P4HA1: variants seen among roughly 807,000 people sequenced by gnomAD.
P4HA1 encodes the protein prolyl 4-hydroxylase subunit alpha 1, also known as prolyl 4-hydroxylase subunit alpha-1.
Under a neutral mutation model 72.8 loss-of-function variants are expected in P4HA1, and 24 were observed. The observed-to-expected ratio is 0.33, with a 90% CI of 0.24 to 0.46. The LOEUF is 0.46. Ranked by LOEUF, P4HA1 falls within the 20% of genes least tolerant of loss-of-function variation. The pLI is 1.00. For missense variants in P4HA1, 446 were observed against 640.6 expected (o/e 0.70, Z 3.28); for synonymous variants, 201 against 218.8 (o/e 0.92, Z 0.72).
intron 1 of P4HA1, among the ~76,000 whole-genome samples, chr10:73,083,722 T>C (rs996526906): frequency 1.3e-5 from 2 of 152,186 alleles, no homozygotes; most frequent in Non-Finnish European, 2.9e-5. Flanking sequence ...AAATGGCTAT[T>C]CAAAGTTCTA....
At chr10:73,013,022 C>T (rs1839942662) in intron 12 of P4HA1, among the ~76,000 whole-genome samples, 1 of 152,158 alleles carries the variant, frequency 6.6e-6, no homozygotes, top group South Asian at 2.1e-4. Context: ...TCTCGAACTC[C>T]TGACCTCAAG....
chr10:73,031,157 C>T (rs1589587663), intron 9 of P4HA1, among the ~76,000 whole-genome samples: 1 of 152,092 alleles, frequency 6.6e-6, no homozygotes. Flanking sequence ...CGTGATAGAT[C>T]TATAAACTGG....
intron 14 of P4HA1, among the ~76,000 whole-genome samples, chr10:73,008,824 C>A (rs188654975): frequency 6.7e-4 from 96 of 143,504 alleles, no homozygotes; most frequent in Non-Finnish European, 1.2e-3. Flanking sequence ...AGTTAATTTT[C>A]TATTTTTTTT....
chr10:73,045,235 T>C (rs1203034642), intron 8 of P4HA1, among the ~76,000 whole-genome samples, 184 bp from the exon 9 acceptor site: 3 of 151,594 alleles, frequency 2.0e-5, no homozygotes, highest in Non-Finnish European at 4.4e-5. Context: ...TTGGGGTTTT[T>C]TTTTTTTCTT....
At chr10:73,064,598 C>T (rs144814908) in intron 5 of P4HA1, among the ~76,000 whole-genome samples, 137 of 152,116 alleles carry the variant, frequency 9.0e-4, no homozygotes, top group African/African-American at 3.0e-3. Flanking sequence ...TCCAGCAGTT[C>T]GGGAGGCTGA....
intron 14 of P4HA1, 109 bp downstream of exon 14, chr10:73,009,698 A>G: frequency 1.7e-6 from 1 of 604,530 alleles, no homozygotes; most frequent in South Asian, 2.3e-5. Context: ...GTACAATGTT[A>G]AAATCATATT....
At chr10:73,077,637 A>G (rs1841729683) in intron 1 of P4HA1, among the ~76,000 whole-genome samples, 1 of 152,174 alleles carries the variant, frequency 6.6e-6, no homozygotes, top group South Asian at 2.1e-4. Flanking sequence ...ACAAATAGCA[A>G]CAACAGAATA....
At chr10:73,032,393 A>G (rs932538239) in intron 9 of P4HA1, among the ~76,000 whole-genome samples, 2 of 152,048 alleles carry the variant, frequency 1.3e-5, no homozygotes, top group African/African-American at 4.8e-5. Context: ...ATCTAATGAC[A>G]TTTTTCAATT....
Position 73,072,185 on chromosome 10 carries a change from A to G in P4HA1, c.174-5T>C. Reference sequence around the variant, plus strand: ...CGATCTAACTTCTCTGCCCATCTACAGATGTAAAACATAAAAACTGAATAT... The same window carrying G: ...CGATCTAACTTCTCTGCCCATCTACGGATGTAAAACATAAAAACTGAATAT... On this transcript the variant is annotated splice_region_variant and splice_polypyrimidine_tract_variant and intron_variant, in intron 3 of 14. Coordinates refer to ENST00000394890, the MANE Select transcript of P4HA1 (RefSeq NM_001017962.3). 6.2e-7 allele frequency: 1 copy of G among 1,606,380 alleles called. No individual in the cohort carries two copies.
intron 12 of P4HA1, among the ~76,000 whole-genome samples, chr10:73,013,886 AATGTGT>A (rs1839960735): frequency 5.3e-5 from 8 of 152,144 alleles, no homozygotes; most frequent in Admixed American, 5.2e-4. Context: ...TTACTGAAAT[AATGTGT>A]ATGTGTATGT....
intron 5 of P4HA1, among the ~76,000 whole-genome samples, chr10:73,059,443 A>T: frequency 7.3e-6 from 1 of 137,684 alleles, no homozygotes; most frequent in Admixed American, 7.2e-5. Context: ...AAAAAAAAAA[A>T]AAAAAAAAAA....
intron 5 of P4HA1, among the ~76,000 whole-genome samples, chr10:73,062,026 T>C (rs1324152860): frequency 6.6e-6 from 1 of 152,028 alleles, no homozygotes; most frequent in Non-Finnish European, 1.5e-5. Context: ...CTCAAAAAAA[T>C]AAATTTTAAT....
chr10:73,069,806 G>GTTTTTTTT (rs201651550), intron 4 of P4HA1, among the ~76,000 whole-genome samples: 5 of 147,420 alleles, frequency 3.4e-5, no homozygotes, highest in African/African-American at 1.0e-4. Context: ...ATAATCAACT[G>GTTTTTTTT]TTTTGTTTTT....
At chr10:73,096,610 C>T (rs1229549007) in intron 1 of P4HA1, among the ~76,000 whole-genome samples, 156 bp downstream of exon 1, 1 of 152,142 alleles carries the variant, frequency 6.6e-6, no homozygotes, top group Non-Finnish European at 1.5e-5. Flanking sequence ...GGGGCCGAGT[C>T]TCCCGAGGGG....
At chr10:73,040,766 C>T (rs1440221552) in intron 9 of P4HA1, among the ~76,000 whole-genome samples, 1 of 152,116 alleles carries the variant, frequency 6.6e-6, no homozygotes, top group Non-Finnish European at 1.5e-5. Flanking sequence ...GCCACCACTC[C>T]TGGCCGTAAT....
intron 8 of P4HA1, 69 bp downstream of exon 8, chr10:73,046,856 T>A: frequency 8.3e-7 from 1 of 1,209,192 alleles, no homozygotes; most frequent in East Asian, 2.3e-5. Context: ...AATTATCCTA[T>A]TTTTTTACAA....
In P4HA1 at chr10:73,045,170, T is replaced by A. The variant is rs554957673; in HGVS notation, c.1078-119A>T. 6.9e-6 allele frequency: 5 copies of A among 727,456 alleles called. No individual in the cohort carries two copies. In the African/African-American group the frequency reaches 7.1e-5, roughly 10 times the overall value. The allele number at this position is 727,456 out of a possible 1,614,324, so 45.1% of individuals were successfully genotyped here. ...AGGCTAAAAAGAGAAAATAACTCCA[T>A]ACACTTCCAGTCACCTTGTGCTGAG... is the stretch of plus-strand genomic sequence containing the variant. On this transcript the variant is annotated intron_variant, in intron 8 of 14. Transcript: ENST00000394890.
At chr10:73,086,115 CA>C (rs1841918852) in intron 1 of P4HA1, among the ~76,000 whole-genome samples, 1 of 152,204 alleles carries the variant, frequency 6.6e-6, no homozygotes, top group Admixed American at 6.5e-5. Flanking sequence ...GTCTGGAAAA[CA>C]GTTTAGTTCC....
At chr10:73,036,242 A>G (rs1255252954) in intron 9 of P4HA1, among the ~76,000 whole-genome samples, 1 of 151,330 alleles carries the variant, frequency 6.6e-6, no homozygotes, top group East Asian at 1.9e-4. Context: ...GTTAAAACCA[A>G]TGTTGATTGT....
Sources: gnomAD v4.1 joint callset for allele counts (sites outside exome capture counted in the v4.1 genomes callset) on GRCh38, gnomAD v4.1.1 for gene constraint, MANE v1.5 for transcripts, NCBI Gene and HGNC (gene_info 2026-07-23, HGNC 2026-07-21) for gene names.